The following ATP2A2 variants were observed in gnomAD, a reference collection of about 807,000 sequenced individuals.
ATP2A2 encodes the protein sarcoplasmic/endoplasmic reticulum calcium ATPase 2.
In ATP2A2, 14 loss-of-function variants were observed where a neutral mutation model predicts 109.3. That is an observed-to-expected ratio of 0.13 (90% CI 0.08 to 0.20). The LOEUF is 0.20. ATP2A2 is among the 10% of genes least tolerant of loss of function. The pLI is 1.00. For synonymous variants in ATP2A2, 506 were observed against 490.9 expected (o/e 1.03, Z -0.41); for missense variants, 657 against 1,321.6 (o/e 0.50, Z 7.80).
intron 6 of ATP2A2, among the ~76,000 whole-genome samples, chr12:110,324,534 G>T (rs1877570017): frequency 2.0e-5 from 3 of 152,052 alleles, no homozygotes; most frequent in Admixed American, 1.3e-4. Flanking sequence ...CTGTTCTCCT[G>T]CCTCAGCCAC....
At chr12:110,334,580 T>A (rs1878650161) in intron 11 of ATP2A2, among the ~76,000 whole-genome samples, 1 of 148,804 alleles carries the variant, frequency 6.7e-6, no homozygotes, top group African/African-American at 2.5e-5. Flanking sequence ...TCCTGTTCAA[T>A]TAAACCTTTT....
chr12:110,295,784 A>G (rs1169517118), intron 4 of ATP2A2, among the ~76,000 whole-genome samples: 2 of 152,184 alleles, frequency 1.3e-5, no homozygotes, highest in African/African-American at 2.4e-5. Flanking sequence ...TTCATATATG[A>G]TGTCATGAGA....
At chr12:110,304,894 A>T (rs1221913107) in intron 5 of ATP2A2, among the ~76,000 whole-genome samples, 1 of 151,984 alleles carries the variant, frequency 6.6e-6, no homozygotes, top group Non-Finnish European at 1.5e-5. Flanking sequence ...TACCTATATG[A>T]TCCCAGCACT....
intron 5 of ATP2A2, 111 bp from the exon 6 acceptor site, chr12:110,322,881 A>C (rs927571381): frequency 5.0e-6 from 4 of 806,688 alleles, no homozygotes; most frequent in Non-Finnish European, 8.6e-6. Flanking sequence ...TATTTGTGTT[A>C]TATGCAGATC....
At chr12:110,293,822 A>ATGTG (rs1294018981) in intron 4 of ATP2A2, among the ~76,000 whole-genome samples, 2 of 129,880 alleles carry the variant, frequency 1.5e-5, no homozygotes, top group African/African-American at 6.6e-5. Context: ...ATTGTGCCAT[A>ATGTG]TATATGTGTG....
chr12:110,321,414 G>A (rs576314470), intron 5 of ATP2A2, among the ~76,000 whole-genome samples: 11 of 152,114 alleles, frequency 7.2e-5, no homozygotes, highest in Non-Finnish European at 1.6e-4. Context: ...CTGCCCTTTC[G>A]TAAGACTTAC....
chr12:110,347,849 TGA>T lies in ATP2A2; in HGVS notation c.*1382_*1383del, dbSNP rs1284036456. 2 of 1,017,680 alleles carry T rather than the reference TGA, an allele frequency of 2.0e-6. No individual in the cohort carries two copies. Among genetic ancestry groups the T allele is most frequent in the Non-Finnish European group, 2.4e-6 (2 of 849,324 alleles). 63.0% of individuals were successfully genotyped at this position (1,017,680 alleles called of 1,614,324 possible). On this transcript the variant is annotated 3_prime_UTR_variant, in exon 20 of 20. Coordinates refer to ENST00000539276, the MANE Select transcript of ATP2A2 (RefSeq NM_170665.4). ...TAGCCTAAAGGTGACTGCCACCAAG[TGA>T]GATAACTGTATGTCACTAACTTATA...
chr12:110,287,365 G>A (rs1266632011), intron 3 of ATP2A2, among the ~76,000 whole-genome samples: 1 of 152,102 alleles, frequency 6.6e-6, no homozygotes. Context: ...TAATAATTGG[G>A]AGATACTCTA....
chr12:110,282,658 G>T (rs1555275192), intron 2 of ATP2A2, 37 bp downstream of exon 2: 1 of 1,613,110 alleles, frequency 6.2e-7, no homozygotes, highest in Non-Finnish European at 8.5e-7. Flanking sequence ...TTTTTCCTCT[G>T]TTGGTGTGCT....
chr12:110,327,867 C>T lies in ATP2A2; in HGVS notation c.945C>T (p.Ile315=), dbSNP rs1299822446. 2 of 1,614,178 alleles carry T rather than the reference C, an allele frequency of 1.2e-6. No individual in the cohort carries two copies. Residue 315 remains isoleucine (I), a synonymous_variant, in exon 8 of 20, where the codon ATC becomes ATT. Transcript: ENST00000539276. This position sits in a 1 kb window ranked among gnomAD's most constrained non-coding sequence, Gnocchi z 4.4. ...TTCCTGAAGGTCTGCCTGCAGTCATCACCACCTGCCTGGCTCTTGGAACTC... is the reference window on the plus strand; with the variant it reads ...TTCCTGAAGGTCTGCCTGCAGTCATTACCACCTGCCTGGCTCTTGGAACTC... ...AAIPEGLPAV[I]TTCLALGTRR...
intron 8 of ATP2A2, among the ~76,000 whole-genome samples, chr12:110,328,275 TAAA>T (rs377397723): frequency 5.7e-5 from 8 of 139,290 alleles, no homozygotes; most frequent in African/African-American, 1.3e-4. Flanking sequence ...TTCCTTTAAT[TAAA>T]AAAAAAAAAA....
chr12:110,323,792 CA>C (rs1159148884), intron 6 of ATP2A2, among the ~76,000 whole-genome samples: 1 of 151,456 alleles, frequency 6.6e-6, no homozygotes, highest in Admixed American at 6.6e-5. Flanking sequence ...ACTCTGTCTC[CA>C]AAAAAAAGTT....
intron 16 of ATP2A2, among the ~76,000 whole-genome samples, chr12:110,344,146 T>G (rs1879618261): frequency 6.6e-6 from 1 of 152,112 alleles, no homozygotes; most frequent in African/African-American, 2.4e-5. Context: ...GCTTGTCAGA[T>G]CCTTCCATAT....
chr12:110,286,080 C>G (rs977627415), intron 3 of ATP2A2, among the ~76,000 whole-genome samples: 1 of 152,038 alleles, frequency 6.6e-6, no homozygotes, highest in Non-Finnish European at 1.5e-5. Flanking sequence ...TCCACCACCA[C>G]GCCCGGCTAA....
At chr12:110,345,035 T>C in intron 17 of ATP2A2, 64 bp downstream of exon 17, 1 of 1,555,890 alleles carries the variant, frequency 6.4e-7, no homozygotes, top group Non-Finnish European at 8.9e-7. Context: ...GACCTTTCTG[T>C]GGTTTCGGTA....
intron 5 of ATP2A2, among the ~76,000 whole-genome samples, chr12:110,307,223 T>C (rs992244559): frequency 1.3e-3 from 1 of 754 alleles, no homozygotes; most frequent in Non-Finnish European, 4.9e-3. Flanking sequence ...CCCCACCACC[T>C]TTTTTTTTTT....
At chr12:110,313,705 CTT>C (rs137984643) in intron 5 of ATP2A2, among the ~76,000 whole-genome samples, 3,582 of 111,758 alleles carry the variant, frequency 0.032, 41 homozygotes, top group African/African-American at 0.061. Context: ...GATAATGGAA[CTT>C]TTTTTTTTTT....
intron 5 of ATP2A2, among the ~76,000 whole-genome samples, chr12:110,319,223 G>GAA (rs59623372): frequency 1.3e-3 from 85 of 63,412 alleles, no homozygotes; most frequent in East Asian, 3.1e-3. Context: ...AATAAAAAAT[G>GAA]AAAAAAAAAA....
intron 4 of ATP2A2, among the ~76,000 whole-genome samples, chr12:110,295,664 G>C (rs1873890763): frequency 6.6e-6 from 1 of 152,148 alleles, no homozygotes; most frequent in South Asian, 2.1e-4. Context: ...AGGTACACGT[G>C]TTACCAGCTT....
Sources: gnomAD v4.1 joint callset for allele counts (sites outside exome capture counted in the v4.1 genomes callset) on GRCh38, gnomAD v4.1.1 for gene constraint, Gnocchi (gnomAD v3.1) non-coding constraint, MANE v1.5 for transcripts, NCBI Gene and HGNC (gene_info 2026-07-23, HGNC 2026-07-21) for gene names.